Variants in ADCY2 observed in about 807,000 individuals in gnomAD.
The protein encoded by ADCY2 is adenylate cyclase type 2.
In ADCY2, 31 loss-of-function variants were observed where a neutral mutation model predicts 125.2. The ratio of observed to expected loss-of-function variants is 0.25; its 90% CI spans 0.19 to 0.33. The LOEUF (loss-of-function observed/expected upper bound fraction) is 0.33. Among genes scored for constraint, ADCY2 ranks in the 10% least tolerant of loss-of-function variants. The pLI, the probability that ADCY2 is intolerant of heterozygous loss-of-function variation, is 1.00. For missense variants in ADCY2, 904 were observed against 1,418.2 expected (o/e 0.64, Z 5.82); for synonymous variants, 512 against 548.4 (o/e 0.93, Z 0.93).
At chr5:7,675,763 G>GT (rs1464162417) in intron 4 of ADCY2, among the ~76,000 whole-genome samples, 1 of 152,216 alleles carries the variant, frequency 6.6e-6, no homozygotes, top group Non-Finnish European at 1.5e-5. Flanking sequence ...TAATGAAATG[G>GT]TGGGCAGGTG....
intron 14 of ADCY2, among the ~76,000 whole-genome samples, chr5:7,741,781 T>TCATCACCATCACCATAAC (rs1183239724): frequency 5.4e-4 from 2 of 3,720 alleles, no homozygotes; most frequent in South Asian, 7.7e-3. Flanking sequence ...CATACCATCA[T>TCATCACCATCACCATAAC]CATCCCTATC....
At chr5:7,628,113 G>T (rs1738194187) in intron 4 of ADCY2, among the ~76,000 whole-genome samples, 1 of 152,114 alleles carries the variant, frequency 6.6e-6, no homozygotes, top group East Asian at 1.9e-4. Flanking sequence ...AAATTCCACA[G>T]TTTGGACAAG....
intron 2 of ADCY2, among the ~76,000 whole-genome samples, chr5:7,451,709 A>C (rs1209160369): frequency 6.6e-6 from 1 of 152,172 alleles, no homozygotes; most frequent in Admixed American, 6.5e-5. Flanking sequence ...TGAAAGAAAG[A>C]GTACATGGAT....
At chr5:7,808,557 G>A (rs1744830566) in intron 22 of ADCY2, among the ~76,000 whole-genome samples, 1 of 152,194 alleles carries the variant, frequency 6.6e-6, no homozygotes, top group Non-Finnish European at 1.5e-5. Flanking sequence ...AGAAACTGAG[G>A]CACGGAGCAG....
At chr5:7,484,017 A>T (rs1489749173) in intron 2 of ADCY2, among the ~76,000 whole-genome samples, 1 of 152,200 alleles carries the variant, frequency 6.6e-6, no homozygotes, top group Non-Finnish European at 1.5e-5. Context: ...ACTAGATTTT[A>T]TCTTTCAAGG....
intron 22 of ADCY2, among the ~76,000 whole-genome samples, chr5:7,814,260 C>T (rs1230533957): frequency 6.6e-6 from 1 of 152,138 alleles, no homozygotes; most frequent in African/African-American, 2.4e-5. Flanking sequence ...CCCTCTTGAA[C>T]AGAGATTTAA....
At chr5:7,422,455 C>G (rs1740239609) in intron 2 of ADCY2, among the ~76,000 whole-genome samples, 1 of 152,088 alleles carries the variant, frequency 6.6e-6, no homozygotes, top group Admixed American at 6.6e-5. Context: ...CCTGGAATGT[C>G]TTCTGCTCAT....
chr5:7,540,077 G>T (rs936521242), intron 3 of ADCY2, among the ~76,000 whole-genome samples: 4 of 152,156 alleles, frequency 2.6e-5, no homozygotes, highest in Non-Finnish European at 5.9e-5. Context: ...ACTAATGCAG[G>T]AACAGAAAAC....
At chr5:7,708,710 T>G (rs1237818758) in intron 9 of ADCY2, among the ~76,000 whole-genome samples, 2 of 152,252 alleles carry the variant, frequency 1.3e-5, no homozygotes, top group East Asian at 3.9e-4. Context: ...AAGACAAACT[T>G]TCAACTAGCT....
chr5:7,679,475 G>A (rs1579308298), intron 4 of ADCY2, among the ~76,000 whole-genome samples: 1 of 152,198 alleles, frequency 6.6e-6, no homozygotes, highest in Non-Finnish European at 1.5e-5. Context: ...CACTGCAGAA[G>A]AGAAGGTGAG....
chr5:7,724,710 A>G, intron 13 of ADCY2, 96 bp downstream of exon 13: 6 of 869,968 alleles, frequency 6.9e-6, no homozygotes, highest in Admixed American at 2.7e-5. Flanking sequence ...GTGACATTTA[A>G]ACTGCCTCTG....
At chr5:7,491,519 A>T (rs1428329260) in intron 2 of ADCY2, among the ~76,000 whole-genome samples, 1 of 152,226 alleles carries the variant, frequency 6.6e-6, no homozygotes, top group Admixed American at 6.5e-5. Context: ...GGTGAATCTC[A>T]TAAGGGAACA....
intron 2 of ADCY2, among the ~76,000 whole-genome samples, chr5:7,470,750 C>T (rs1026505689): frequency 2.7e-5 from 4 of 150,928 alleles, no homozygotes; most frequent in African/African-American, 9.7e-5. Context: ...TATAGTCTAC[C>T]ATTGTTGGAT....
intron 3 of ADCY2, among the ~76,000 whole-genome samples, chr5:7,528,389 T>A (rs570726559): frequency 6.7e-6 from 1 of 149,470 alleles, no homozygotes; most frequent in African/African-American, 2.4e-5. Context: ...GACATGGAAC[T>A]TTCATGTTGG....
intron 3 of ADCY2, among the ~76,000 whole-genome samples, chr5:7,539,576 A>G (rs376192804): frequency 2.6e-5 from 4 of 152,328 alleles, no homozygotes; most frequent in African/African-American, 9.6e-5. Context: ...GGTCTTTCCA[A>G]TCACTCAACT....
At chr5:7,753,534 T>G (rs1168087399) in intron 15 of ADCY2, among the ~76,000 whole-genome samples, 3 of 152,234 alleles carry the variant, frequency 2.0e-5, no homozygotes, top group Non-Finnish European at 1.5e-5. Context: ...ATTTATAACA[T>G]TTAATTAGGA....
At position 7,661,690 on chromosome 5, in the gene ADCY2, C is replaced by T. The variant is rs533290322; in HGVS notation, c.721-29001C>T. ...CTGACATGGAAGTTTTGATAAAATT[C>T]AGCTGATCTGTCTCCATCTGTCCTG... is the stretch of plus-strand genomic sequence containing the variant. On this transcript the variant is annotated intron_variant, in intron 4 of 24. Coordinates refer to ENST00000338316, the MANE Select transcript of ADCY2 (RefSeq NM_020546.3). 2.0e-5 allele frequency among the ~76,000 whole-genome samples: 3 copies of T among 152,310 alleles called. No homozygotes were observed. The South Asian group carries it at 6.2e-4, about 32-fold the overall frequency.
rs371646212 is a variant in ADCY2, at chr5:7,677,075, G to A, written c.721-13616G>A. Among the ~76,000 whole-genome samples, 8 of 152,104 alleles carry A rather than the reference G, an allele frequency of 5.3e-5. No individual in the cohort carries two copies. The South Asian group carries it at 6.2e-4, about 12-fold the overall frequency. ...GCGGATCACCTGAGGTCAGGAGTTC[G>A]AGACCAGACTGGCCAACATGGTGAA... is the stretch of plus-strand genomic sequence containing the variant. On this transcript the variant is annotated intron_variant, in intron 4 of 24. Transcript: ENST00000338316.
At chr5:7,550,002 C>T (rs1049540121) in intron 3 of ADCY2, among the ~76,000 whole-genome samples, 2 of 152,142 alleles carry the variant, frequency 1.3e-5, no homozygotes, top group African/African-American at 4.8e-5. Flanking sequence ...GCTGCTGTGT[C>T]TCTCCACTTG....
Sources: allele counts gnomAD v4.1 joint callset (sites outside exome capture counted in the v4.1 genomes callset), GRCh38; gene constraint gnomAD v4.1.1; transcripts MANE v1.5; gene names NCBI Gene and HGNC (gene_info 2026-07-23, HGNC 2026-07-21).